The following CABP5 variants were observed in gnomAD, a reference collection of about 807,000 sequenced individuals.
CABP5 encodes the protein calcium-binding protein 5.
A neutral mutation model predicts 21.9 loss-of-function variants in CABP5; 17 were observed. That is an observed-to-expected ratio of 0.78 (90% CI 0.53 to 1.17). The LOEUF (loss-of-function observed/expected upper bound fraction) is 1.17, where lower values mean the gene tolerates loss of function less well. Ranked by LOEUF, CABP5 falls within the 50% of genes most tolerant of loss-of-function variation. CABP5 has a pLI of 0.00. For synonymous variants in CABP5, 85 were observed against 79.4 expected, an observed-to-expected ratio of 1.07 and a Z score of -0.37; for missense variants, 229 against 228.9, an observed-to-expected ratio of 1.00 and a Z score of 0.00.
At chr19:48,032,865 A>C (rs894213374) in intron 5 of CABP5, among the ~76,000 whole-genome samples, 4 of 152,078 alleles carry the variant, frequency 2.6e-5, no homozygotes, top group Non-Finnish European at 5.9e-5. Flanking sequence ...TCCTGACCTC[A>C]GGTGATCCGC....
rs57230665 is a variant in CABP5, at chr19:48,037,259, C to CTTTTTTTTTTTTTTTT, written c.348+1933_348+1948dup. ...AAGTACACAATGGAATACTATTCAG[C>CTTTTTTTTTTTTTTTT]TTTTTTTTTTTTTTTTTTTTTTTTT... On this transcript the variant is annotated intron_variant, in intron 4 of 5. Transcript: ENST00000293255. Among the ~76,000 whole-genome samples the CTTTTTTTTTTTTTTTT allele has an allele frequency of 4.5e-3, 202 of 44,976 alleles. 48 individuals are homozygous for CTTTTTTTTTTTTTTTT. Among genetic ancestry groups the CTTTTTTTTTTTTTTTT allele is most frequent in the Non-Finnish European group, 5.7e-3 (143 of 24,884 alleles). The allele number at this position is 44,976 out of a possible 152,430, so 29.5% of individuals were successfully genotyped here. A position where few individuals can be genotyped will look rare whatever the true frequency, so the allele number is the denominator to read the frequency against.
intron 4 of CABP5, among the ~76,000 whole-genome samples, chr19:48,034,921 T>G (rs1052911854): frequency 1.3e-5 from 2 of 152,258 alleles, no homozygotes; most frequent in Admixed American, 1.3e-4. Context: ...TAAGCAACCC[T>G]TCCACCTTGT....
intron 5 of CABP5, among the ~76,000 whole-genome samples, chr19:48,033,337 C>A (rs1314101122): frequency 1.3e-5 from 2 of 152,130 alleles, no homozygotes; most frequent in Non-Finnish European, 1.5e-5. Flanking sequence ...TAAAAAAGAA[C>A]CCCACGTCTC....
At position 48,039,387 on chromosome 19, in the gene CABP5, C is replaced by T. The variant is rs1013544219; in HGVS notation, c.239-70G>A. ...CCTTCCATTACCTCACTTTGTGCTT[C>T]GAGTCAGTTAGATCAGCTCCCTTCT... is the stretch of plus-strand genomic sequence containing the variant. On this transcript the variant is annotated intron_variant, in intron 3 of 5. Coordinates refer to ENST00000293255, the MANE Select transcript of CABP5 (RefSeq NM_019855.5). The T allele has an allele frequency of 1.4e-4, 175 of 1,212,932 alleles. No individual in the cohort carries two copies. The South Asian group carries it at 1.8e-3, about 12-fold the overall frequency. The allele number at this position is 1,212,932 out of a possible 1,614,324, so 75.1% of individuals were successfully genotyped here.
intron 4 of CABP5, among the ~76,000 whole-genome samples, chr19:48,035,791 T>C (rs187814177): frequency 6.6e-6 from 1 of 152,096 alleles, no homozygotes; most frequent in East Asian, 1.9e-4. Flanking sequence ...ATAGACAAGG[T>C]CTCAGTGTTG....
rs560592552 is a variant in CABP5, at chr19:48,034,415, G to T, written c.349-53C>A. ...CAGCAATGACAATGATGATAGCCAC[G>T]AGATGATGGAGTTTACCTATCGCTT... On this transcript the variant is annotated intron_variant, in intron 4 of 5. Transcript: ENST00000293255. 8.1e-6 allele frequency: 11 copies of T among 1,353,812 alleles called. No individual in the cohort carries two copies. In the African/African-American group the frequency reaches 1.5e-4, roughly 18 times the overall value. The allele number at this position is 1,353,812 out of a possible 1,614,324, so 83.9% of individuals were successfully genotyped here.
intron 4 of CABP5, among the ~76,000 whole-genome samples, chr19:48,036,843 C>T (rs1967413729): frequency 6.6e-6 from 1 of 152,032 alleles, no homozygotes; most frequent in Non-Finnish European, 1.5e-5. Context: ...GAAAAAAATG[C>T]TCAGCATCAC....
chr19:48,035,808 G>T lies in CABP5; in HGVS notation c.349-1446C>A, dbSNP rs552207723. ...AGACAAGGTCTCAGTGTTGCAGAAG[G>T]CAGGGCCCAAGTACGTAGGGGCTTG... On this transcript the variant is annotated intron_variant, in intron 4 of 5. Coordinates refer to ENST00000293255, the MANE Select transcript of CABP5 (RefSeq NM_019855.5). Among the ~76,000 whole-genome samples the T allele has an allele frequency of 2.0e-5, 3 of 152,322 alleles. No individual in the cohort carries two copies. The East Asian group carries it at 5.8e-4, about 29-fold the overall frequency.
chr19:48,035,685 G>T (rs79695442), intron 4 of CABP5, among the ~76,000 whole-genome samples: 15 of 152,246 alleles, frequency 9.9e-5, no homozygotes, highest in Non-Finnish European at 2.1e-4. Context: ...GAAGCTGCAA[G>T]TTAACAAGTG....
At chr19:48,032,461 C>G (rs1812501271) in intron 5 of CABP5, among the ~76,000 whole-genome samples, 2 of 151,202 alleles carry the variant, frequency 1.3e-5, no homozygotes, top group African/African-American at 2.4e-5. Context: ...TCCCAAGTAG[C>G]TGGGACTACA....
At chr19:48,042,099 C>T (rs1245289927) in intron 1 of CABP5, among the ~76,000 whole-genome samples, 1 of 152,106 alleles carries the variant, frequency 6.6e-6, no homozygotes, top group Non-Finnish European at 1.5e-5. Flanking sequence ...CAAGGTCACA[C>T]AGCTCACAAG....
chr19:48,030,628 A>C, intron 5 of CABP5, 46 bp from the exon 6 acceptor site: 1 of 1,595,750 alleles, frequency 6.3e-7, no homozygotes, highest in East Asian at 2.2e-5. Flanking sequence ...TCGTTGTAAA[A>C]GCCCCCAACA....
At position 48,041,499 on chromosome 19, in the gene CABP5, A is replaced by C. The variant is rs571981679; in HGVS notation, c.94+74T>G. ...TTCCATGTAATGGAATTTATACGGA[A>C]ATGCACAAAGGGACTGAGGGCAGGT... On this transcript the variant is annotated intron_variant, in intron 2 of 5. Coordinates refer to ENST00000293255, the MANE Select transcript of CABP5 (RefSeq NM_019855.5). 2.9e-6 allele frequency: 4 copies of C among 1,369,646 alleles called. No individual in the cohort carries two copies. In the African/African-American group the frequency reaches 5.8e-5, roughly 20 times the overall value. 84.8% of individuals were successfully genotyped at this position (1,369,646 alleles called of 1,614,324 possible). A position where few individuals can be genotyped will look rare whatever the true frequency, so the allele number is the denominator to read the frequency against.
chr19:48,030,734 G>T (rs1211182579), intron 5 of CABP5, 152 bp from the exon 6 acceptor site: 2 of 768,586 alleles, frequency 2.6e-6, no homozygotes, highest in Non-Finnish European at 4.4e-6. Flanking sequence ...TCTATGAAAT[G>T]GGAATCAGAT....
At position 48,040,684 on chromosome 19, in the gene CABP5, C is replaced by T. The variant is rs1442226248; in HGVS notation, c.159G>A (p.Leu53=). 1 of 1,613,906 alleles carries T rather than the reference C, an allele frequency of 6.2e-7. No homozygotes were observed. The highest frequency in any genetic ancestry group is 1.3e-5 in the African/African-American group (1 of 74,904). Residue 53 remains leucine (L), a synonymous_variant, in exon 3 of 6, where the codon CTG becomes CTA. Coordinates refer to ENST00000293255, the MANE Select transcript of CABP5 (RefSeq NM_019855.5). ...DRDGFISCKD[L]GNLMRTMGYM... ...AACCCATCGTCCTCATGAGATTCCC[C>T]AGATCCTTACAAGAGATGAACCCAT...
rs71355785 is a variant in CABP5, at chr19:48,032,674, G to C, written c.496+1541C>G. On this transcript the variant is annotated intron_variant, in intron 5 of 5. Coordinates refer to ENST00000293255, the MANE Select transcript of CABP5 (RefSeq NM_019855.5). ...TTGAGATGGAGTCTCACTGTTGCCC[G>C]GGCTGGAGTGCAGTGGTGTGACCTC... is the stretch of plus-strand genomic sequence containing the variant. Among the ~76,000 whole-genome samples the C allele has an allele frequency of 3.4e-4, 50 of 147,768 alleles. 1 individual carries two copies. Among genetic ancestry groups the C allele is most frequent in the African/African-American group, 1.1e-3 (46 of 40,098 alleles).
At chr19:48,036,219 G>A (rs1568413107) in intron 4 of CABP5, among the ~76,000 whole-genome samples, 1 of 152,106 alleles carries the variant, frequency 6.6e-6, no homozygotes, top group Non-Finnish European at 1.5e-5. Context: ...AAAAAAATGT[G>A]TCAGTAGTGC....
rs1052632782 is a variant in CABP5, at chr19:48,040,497, C to G, written c.238+108G>C. On this transcript the variant is annotated intron_variant, in intron 3 of 5. Coordinates refer to ENST00000293255, the MANE Select transcript of CABP5 (RefSeq NM_019855.5). ...GTTTTCTTCCAGACTTCTAGTCCCTCTCATCCTCCTCTCCACCCCCAACTC... is the reference window on the plus strand; with the variant it reads ...GTTTTCTTCCAGACTTCTAGTCCCTGTCATCCTCCTCTCCACCCCCAACTC... The G allele has an allele frequency of 3.8e-5, 45 of 1,183,948 alleles. 1 individual carries two copies. The South Asian group carries it at 6.6e-4, about 17-fold the overall frequency. The allele number at this position is 1,183,948 out of a possible 1,614,324, so 73.3% of individuals were successfully genotyped here. A position where few individuals can be genotyped will look rare whatever the true frequency, so the allele number is the denominator to read the frequency against.
intron 4 of CABP5, among the ~76,000 whole-genome samples, chr19:48,038,402 G>A (rs1967437623): frequency 6.6e-6 from 1 of 152,232 alleles, no homozygotes; most frequent in Non-Finnish European, 1.5e-5. Context: ...GGGGATATAA[G>A]CAAGTCTGTT....
Sources: gnomAD v4.1 joint callset for allele counts (sites outside exome capture counted in the v4.1 genomes callset) on GRCh38, gnomAD v4.1.1 for gene constraint, MANE v1.5 for transcripts, NCBI Gene and HGNC (gene_info 2026-07-23, HGNC 2026-07-21) for gene names.